The following PAPPA variants were observed in gnomAD, a reference collection of about 807,000 sequenced individuals.
PAPPA encodes pappalysin 1.
A neutral mutation model predicts 164.0 loss-of-function variants in PAPPA; 60 were observed. The observed-to-expected ratio is 0.37, with a 90% CI of 0.30 to 0.45. The LOEUF (loss-of-function observed/expected upper bound fraction) is 0.45. Ranked by LOEUF, PAPPA falls within the 20% of genes least tolerant of loss-of-function variation. The pLI, the probability that PAPPA is intolerant of heterozygous loss-of-function variation, is 1.00. For synonymous variants in PAPPA, 875 were observed against 814.1 expected, an observed-to-expected ratio of 1.07 and a Z score of -1.27; for missense variants, 1,782 against 2,087.3, an observed-to-expected ratio of 0.85 and a Z score of 2.85.
intron 10 of PAPPA, among the ~76,000 whole-genome samples, chr9:116,318,885 C>T (rs1421056547): frequency 6.6e-6 from 1 of 152,244 alleles, no homozygotes; most frequent in African/African-American, 2.4e-5. Context: ...CAGCCGCCGA[C>T]CCTCAGCAGG....
intron 9 of PAPPA, among the ~76,000 whole-genome samples, chr9:116,289,524 T>C (rs1845409522): frequency 6.6e-6 from 1 of 151,720 alleles, no homozygotes; most frequent in African/African-American, 2.4e-5. Flanking sequence ...ATATTCCCAA[T>C]ATTTGTATAA....
Position 116,352,905 on chromosome 9 carries a change from G to A in PAPPA, c.4164G>A (p.Arg1388=). The change falls in exon 16 of 22, where the codon CGG becomes CGA. Residue 1388 remains arginine (R), a synonymous_variant. Transcript: ENST00000328252. ...KPGYHVPGSS[R]KSKKRAFKTQ... is the part of the protein sequence containing the mutation. ...GATACCATGTGCCTGGATCCTCTCG[G>A]AAGTCAAAGAAGTAAGTGGGGTTGG... 1 of 1,613,664 alleles carries A rather than the reference G, an allele frequency of 6.2e-7. No homozygotes were observed. Among genetic ancestry groups the A allele is most frequent in the Non-Finnish European group, 8.5e-7 (1 of 1,179,664 alleles).
At chr9:116,330,857 G>A (rs1290578889) in intron 10 of PAPPA, among the ~76,000 whole-genome samples, 2 of 152,002 alleles carry the variant, frequency 1.3e-5, no homozygotes, top group Non-Finnish European at 2.9e-5. Flanking sequence ...AACTTAAGGC[G>A]TTTGATCAAA....
At chr9:116,386,386 A>C (rs1000321114) in intron 21 of PAPPA, among the ~76,000 whole-genome samples, 1 of 152,218 alleles carries the variant, frequency 6.6e-6, no homozygotes, top group Admixed American at 6.5e-5. Flanking sequence ...GGAGAAAATA[A>C]ATAAGAACAC....
At chr9:116,284,545 CTT>C (rs61248033) in intron 9 of PAPPA, among the ~76,000 whole-genome samples, 108 of 88,250 alleles carry the variant, frequency 1.2e-3, no homozygotes, top group Middle Eastern at 0.011. Flanking sequence ...TAGTCTGGGC[CTT>C]TTTTTTTTTT....
intron 9 of PAPPA, among the ~76,000 whole-genome samples, chr9:116,298,777 A>G (rs913825302): frequency 3.3e-5 from 5 of 152,176 alleles, no homozygotes; most frequent in African/African-American, 9.7e-5. Flanking sequence ...GTCTGTGTAT[A>G]ATTTTCTTAG....
At chr9:116,314,760 C>T (rs1845767528) in intron 10 of PAPPA, among the ~76,000 whole-genome samples, 1 of 152,158 alleles carries the variant, frequency 6.6e-6, no homozygotes, top group African/African-American at 2.4e-5. Context: ...CTTCTTAGGG[C>T]TTAATTATCC....
chr9:116,276,282 G>A (rs1276899637), intron 9 of PAPPA, among the ~76,000 whole-genome samples: 2 of 152,212 alleles, frequency 1.3e-5, no homozygotes, highest in Non-Finnish European at 2.9e-5. Flanking sequence ...GTCCCCAAAA[G>A]GGGTTATACT....
chr9:116,166,378 C>T (rs971715687), intron 1 of PAPPA, among the ~76,000 whole-genome samples: 2 of 152,208 alleles, frequency 1.3e-5, no homozygotes, highest in Non-Finnish European at 2.9e-5. Flanking sequence ...TAATCTTAAG[C>T]TTTGCTTGCC....
In PAPPA at chr9:116,398,888, GT is replaced by G. The variant is rs1847006120; in HGVS notation, c.*2273del. ...TGATCCTATTTTGAACCCCTCTCCAGTATCTTCACACTCTTGTCAACTCTCC... is the reference window on the plus strand; with the variant it reads ...TGATCCTATTTTGAACCCCTCTCCAGATCTTCACACTCTTGTCAACTCTCC... On this transcript the variant is annotated 3_prime_UTR_variant, in exon 22 of 22. Transcript: ENST00000328252. The G allele has an allele frequency of 2.8e-6, 1 of 359,060 alleles. No homozygotes were observed. Among genetic ancestry groups the G allele is most frequent in the African/African-American group, 2.1e-5 (1 of 46,730 alleles). The allele number at this position is 359,060 out of a possible 1,614,324, so 22.2% of individuals were successfully genotyped here.
At chr9:116,385,417 A>T (rs1377657500) in intron 21 of PAPPA, among the ~76,000 whole-genome samples, 1 of 152,024 alleles carries the variant, frequency 6.6e-6, no homozygotes, top group Non-Finnish European at 1.5e-5. Context: ...AAGTGCTGGG[A>T]TTACAGGCAT....
chr9:116,166,241 G>GTA (rs1281735958), intron 1 of PAPPA, among the ~76,000 whole-genome samples: 3 of 152,218 alleles, frequency 2.0e-5, no homozygotes, highest in Non-Finnish European at 4.4e-5. Flanking sequence ...AAGGGGAATA[G>GTA]TATATTTAAG....
At position 116,227,422 on chromosome 9, in the gene PAPPA, GC is replaced by G. The variant is rs757158301; in HGVS notation, c.2112-7del. 6.2e-7 allele frequency: 1 copy of G among 1,613,738 alleles called. No individual in the cohort carries two copies. The highest frequency in any genetic ancestry group is 8.5e-7 in the Non-Finnish European group (1 of 1,179,878). On this transcript the variant is annotated splice_region_variant and splice_polypyrimidine_tract_variant and intron_variant, in intron 5 of 21. Coordinates refer to ENST00000328252, the MANE Select transcript of PAPPA (RefSeq NM_002581.5). The stretch of plus-strand genomic sequence containing the variant: ...TCGGTGCATTTTCCCTCTTTCCTTG[GC>G]CTCCTAGAGAATTGGGATCAGCATG...
chr9:116,298,532 C>A (rs899946130), intron 9 of PAPPA, among the ~76,000 whole-genome samples: 2 of 152,156 alleles, frequency 1.3e-5, no homozygotes. Context: ...CAGTGCAATC[C>A]CACTATCAGC....
intron 3 of PAPPA, among the ~76,000 whole-genome samples, chr9:116,210,997 A>G (rs1420394741): frequency 6.6e-6 from 1 of 152,218 alleles, no homozygotes; most frequent in African/African-American, 2.4e-5. Flanking sequence ...AGGCCCTGTG[A>G]TAGTCATTAA....
chr9:116,254,151 T>C (rs187792730), intron 7 of PAPPA, among the ~76,000 whole-genome samples: 3 of 152,326 alleles, frequency 2.0e-5, no homozygotes, highest in East Asian at 3.9e-4. Flanking sequence ...CCCCTACATT[T>C]TTTAGGCTGT....
At chr9:116,390,935 C>T (rs895199993) in intron 21 of PAPPA, among the ~76,000 whole-genome samples, 5 of 152,152 alleles carry the variant, frequency 3.3e-5, no homozygotes, top group African/African-American at 9.7e-5. Context: ...TATTCTAATG[C>T]TTTACTTGCA....
intron 1 of PAPPA, among the ~76,000 whole-genome samples, chr9:116,174,836 C>A (rs912881790): frequency 1.3e-5 from 2 of 151,936 alleles, no homozygotes; most frequent in African/African-American, 4.8e-5. Flanking sequence ...GAAGAAGGAG[C>A]CTATGAAAGT....
At chr9:116,266,618 A>G (rs1845070870) in intron 8 of PAPPA, among the ~76,000 whole-genome samples, 1 of 152,204 alleles carries the variant, frequency 6.6e-6, no homozygotes, top group South Asian at 2.1e-4. Flanking sequence ...TGTGGATTTT[A>G]TCAGATTATC....
Sources: gnomAD v4.1 joint callset for allele counts (sites outside exome capture counted in the v4.1 genomes callset) on GRCh38, gnomAD v4.1.1 for gene constraint, MANE v1.5 for transcripts, NCBI Gene and HGNC (gene_info 2026-07-23, HGNC 2026-07-21) for gene names.